TTC7A: variants seen among roughly 807,000 people sequenced by gnomAD.
TTC7A encodes tetratricopeptide repeat protein 7A.
A neutral mutation model predicts 103.7 loss-of-function variants in TTC7A; 110 were observed. That is an observed-to-expected ratio of 1.06 (90% confidence interval 0.91 to 1.24). The LOEUF is 1.24. Among genes scored for constraint, TTC7A ranks in the 50% most tolerant of loss-of-function variants. The pLI is 0.00. For missense variants in TTC7A, 1,340 were observed against 1,116.3 expected (o/e 1.20, Z -2.86); for synonymous variants, 521 against 467.9 (o/e 1.11, Z -1.47).
At chr2:47,051,006 A>G (rs1186763709) in intron 17 of TTC7A, among the ~76,000 whole-genome samples, 2 of 152,226 alleles carry the variant, frequency 1.3e-5, no homozygotes, top group Non-Finnish European at 2.9e-5. Flanking sequence ...AACAGCTTAT[A>G]TGTCCTGAAC....
intron 15 of TTC7A, among the ~76,000 whole-genome samples, chr2:47,044,332 C>G (rs191166457): frequency 9.0e-4 from 137 of 152,344 alleles, no homozygotes; most frequent in African/African-American, 3.3e-3. Context: ...TCGAAGGCAG[C>G]CATTGTGTTT....
chr2:47,054,088 G>C (rs1490242992), intron 18 of TTC7A: 2 of 983,952 alleles, frequency 2.0e-6, no homozygotes, highest in Non-Finnish European at 2.4e-6. Flanking sequence ...CATTGTCTTA[G>C]ATATTCACTC....
intron 10 of TTC7A, among the ~76,000 whole-genome samples, chr2:47,008,412 T>C (rs1677657596): frequency 6.6e-6 from 1 of 152,224 alleles, no homozygotes; most frequent in Non-Finnish European, 1.5e-5. Flanking sequence ...CTTCTGCCTC[T>C]GACTAGCTGG....
At chr2:46,975,319 C>A (rs1673769883) in intron 4 of TTC7A, among the ~76,000 whole-genome samples, 1 of 152,150 alleles carries the variant, frequency 6.6e-6, no homozygotes, top group African/African-American at 2.4e-5. Context: ...ATAAATGAGT[C>A]CATGCCATCC....
chr2:47,062,784 A>G (rs1683892390), intron 19 of TTC7A, among the ~76,000 whole-genome samples: 1 of 152,218 alleles, frequency 6.6e-6, no homozygotes, highest in Admixed American at 6.5e-5. Flanking sequence ...GTAGGTTTCC[A>G]TGGTTACTGA....
upstream of TTC7A, among the ~76,000 whole-genome samples, chr2:46,937,621 A>G (rs1362417833): frequency 6.6e-6 from 1 of 152,202 alleles, no homozygotes; most frequent in African/African-American, 2.4e-5. The surrounding 1 kb of genome is among the most constrained non-coding windows in gnomAD (Gnocchi z 4.0). Flanking sequence ...TTTATTTTGT[A>G]GAGACAGGGT....
chr2:47,063,853 T>G (rs1208649265), intron 19 of TTC7A, among the ~76,000 whole-genome samples: 1 of 152,218 alleles, frequency 6.6e-6, no homozygotes, highest in Non-Finnish European at 1.5e-5. Context: ...GTATTCTTAG[T>G]GTGCTGTGTG....
chr2:47,013,804 C>G (rs1033939426), intron 11 of TTC7A, among the ~76,000 whole-genome samples: 1 of 152,218 alleles, frequency 6.6e-6, no homozygotes, highest in Non-Finnish European at 1.5e-5. Flanking sequence ...AACATGCAGA[C>G]TTGTCATCAG....
At chr2:46,937,564 T>C (rs576460845), upstream of TTC7A, among the ~76,000 whole-genome samples, 10 of 152,212 alleles carry the variant, frequency 6.6e-5, no homozygotes, top group African/African-American at 2.2e-4. This position sits in a 1 kb window ranked among gnomAD's most constrained non-coding sequence, Gnocchi z 4.0. Context: ...AAGCAAAACA[T>C]TGGATGAAAA....
At chr2:47,015,892 AAAAG>A (rs1298918840) in intron 11 of TTC7A, among the ~76,000 whole-genome samples, 8 of 151,984 alleles carry the variant, frequency 5.3e-5, no homozygotes, top group African/African-American at 1.9e-4. Context: ...CAGGGAGAAA[AAAAG>A]GGGATTTTTC....
At chr2:46,987,141 G>A (rs114980657) in intron 5 of TTC7A, among the ~76,000 whole-genome samples, 6,101 of 152,286 alleles carry the variant, frequency 0.04, 155 homozygotes, top group Middle Eastern at 0.068. Context: ...AAGAGCCCTC[G>A]GTGGGTGGGG....
chr2:47,034,172 A>T (rs1011940891), intron 15 of TTC7A: 3 of 152,234 alleles, frequency 2.0e-5, no homozygotes, highest in Admixed American at 2.0e-4. Flanking sequence ...GCACGGTGGG[A>T]ACCAGACACC....
rs7576915 is a variant in TTC7A, at chr2:46,994,554, A to G, written c.1001+40A>G. 259,972 of 1,604,200 alleles carry G rather than the reference A, an allele frequency of 0.16. 22,374 individuals carry two copies. Among genetic ancestry groups the G allele is most frequent in the Middle Eastern group, 0.22 (1,319 of 5,990 alleles). ...CCCTGCTGCACCTTGCCAGTCTCAC[A>G]TCTCACGCAGGGTTCTGTCCCCACT... On this transcript the variant is annotated intron_variant, in intron 7 of 19. Coordinates refer to ENST00000319190, the MANE Select transcript of TTC7A (RefSeq NM_020458.4).
At chr2:46,983,003 A>G (rs148334579) in intron 5 of TTC7A, among the ~76,000 whole-genome samples, 1 of 152,318 alleles carries the variant, frequency 6.6e-6, no homozygotes, top group Non-Finnish European at 1.5e-5. Flanking sequence ...AAAAATAGAA[A>G]TAAAGGAAAA....
At chr2:47,006,579 G>C in intron 9 of TTC7A, 62 bp from the exon 10 acceptor site, 1 of 1,430,986 alleles carries the variant, frequency 7.0e-7, no homozygotes, top group Admixed American at 1.7e-5. Flanking sequence ...CCCTGGAAGG[G>C]TGCGGATGGC....
intron 2 of TTC7A, among the ~76,000 whole-genome samples, chr2:46,932,153 C>T (rs1415620551): frequency 6.2e-5 from 9 of 144,116 alleles, no homozygotes; most frequent in Admixed American, 2.1e-4. Context: ...TTCTGGGATT[C>T]TTTTTTTTTT....
At chr2:47,032,534 T>C (rs1680665333) in intron 15 of TTC7A, among the ~76,000 whole-genome samples, 1 of 152,128 alleles carries the variant, frequency 6.6e-6, no homozygotes, top group Admixed American at 6.5e-5. Flanking sequence ...GAGCAGACTT[T>C]CGTTCCATGC....
intron 17 of TTC7A, among the ~76,000 whole-genome samples, chr2:47,051,402 C>A (rs1682843174): frequency 1.3e-5 from 2 of 151,934 alleles, no homozygotes; most frequent in African/African-American, 4.8e-5. Flanking sequence ...ATGATTATAC[C>A]CCCACTTATT....
chr2:46,968,934 GTT>G lies in TTC7A; in HGVS notation c.518-6024_518-6023del, dbSNP rs34000426. Among the ~76,000 whole-genome samples, 249 of 140,568 alleles carry G rather than the reference GTT, an allele frequency of 1.8e-3. 1 individual carries two copies. Among genetic ancestry groups the G allele is most frequent in the East Asian group, 3.7e-3 (18 of 4,814 alleles). The allele number at this position is 140,568 out of a possible 152,430, so 92.2% of individuals were successfully genotyped here. On this transcript the variant is annotated intron_variant, in intron 3 of 19. Transcript: ENST00000319190. ...CAGGCAACCTCTGTTTTGTTTTTGTGTTTTTTTTTTTTTTTTAAGAGATAAAG... is the reference window on the plus strand; with the variant it reads ...CAGGCAACCTCTGTTTTGTTTTTGTGTTTTTTTTTTTTTTAAGAGATAAAG...
Sources: gnomAD v4.1 joint callset for allele counts (sites outside exome capture counted in the v4.1 genomes callset) on GRCh38, gnomAD v4.1.1 for gene constraint, Gnocchi (gnomAD v3.1) non-coding constraint, MANE v1.5 for transcripts, NCBI Gene and HGNC (gene_info 2026-07-23, HGNC 2026-07-21) for gene names.